PTPRT: variants seen among roughly 807,000 people sequenced by gnomAD.
The protein encoded by PTPRT is receptor-type tyrosine-protein phosphatase T.
Under a neutral mutation model 176.8 loss-of-function variants are expected in PTPRT, and 56 were observed. That is an observed-to-expected ratio of 0.32 (90% CI 0.26 to 0.40). PTPRT has a LOEUF of 0.40. Ranked by LOEUF, PTPRT falls within the 10% of genes least tolerant of loss-of-function variation. The pLI, the probability that PTPRT is intolerant of heterozygous loss-of-function variation, is 1.00. For synonymous variants in PTPRT, 783 were observed against 739.0 expected (o/e 1.06, Z -0.96); for missense variants, 1,540 against 1,908.2 (o/e 0.81, Z 3.60).
At chr20:42,996,787 C>A (rs1984245409) in intron 1 of PTPRT, among the ~76,000 whole-genome samples, 1 of 152,116 alleles carries the variant, frequency 6.6e-6, no homozygotes, top group African/African-American at 2.4e-5. Context: ...TGACACATAT[C>A]AATATGACCT....
intron 15 of PTPRT, among the ~76,000 whole-genome samples, chr20:42,218,651 A>C (rs776644025): frequency 3.9e-5 from 6 of 152,206 alleles, no homozygotes; most frequent in Non-Finnish European, 8.8e-5. Context: ...AGAAGAAAAC[A>C]ACTCTGAAGG....
chr20:42,121,530 C>G (rs1047111135), intron 19 of PTPRT, among the ~76,000 whole-genome samples: 20 of 152,038 alleles, frequency 1.3e-4, no homozygotes, highest in Admixed American at 4.6e-4. Context: ...CCATGGACTC[C>G]GGAACTCAGC....
chr20:42,959,759 C>A (rs1055179566), intron 1 of PTPRT, among the ~76,000 whole-genome samples: 5 of 152,198 alleles, frequency 3.3e-5, no homozygotes, highest in Non-Finnish European at 5.9e-5. Flanking sequence ...AGAACCCATG[C>A]ACAAGCCATT....
At position 42,488,872 on chromosome 20, in the gene PTPRT, G is replaced by A. The variant is rs138938985; in HGVS notation, c.1154-16310C>T. ...CCAGCTACTCTGGAGGCTGAGGTAG[G>A]AGAATTGCTTGAACCTAGGAGGTGG... On this transcript the variant is annotated intron_variant, in intron 7 of 30. Coordinates refer to ENST00000373187, the MANE Select transcript of PTPRT (RefSeq NM_007050.6). 4.7e-3 allele frequency among the ~76,000 whole-genome samples: 717 copies of A among 151,876 alleles called. 5 individuals carry two copies. Among genetic ancestry groups the A allele is most frequent in the African/African-American group, 0.017 (687 of 41,424 alleles).
Position 42,469,951 on chromosome 20 carries a change from A to G in PTPRT, c.1450+2315T>C, listed in dbSNP as rs62204875. On this transcript the variant is annotated intron_variant, in intron 8 of 30. Coordinates refer to ENST00000373187, the MANE Select transcript of PTPRT (RefSeq NM_007050.6). The stretch of plus-strand genomic sequence containing the variant: ...GTTCTACTCAGGGTCATAACTCTGA[A>G]GTATTTAGAACTCGCTTAGATGAAA... 8.5e-3 allele frequency among the ~76,000 whole-genome samples: 1,291 copies of G among 152,286 alleles called. 11 individuals carry two copies. Among genetic ancestry groups the G allele is most frequent in the Middle Eastern group, 0.014 (4 of 294 alleles).
chr20:42,380,394 T>C (rs6030182), intron 9 of PTPRT, among the ~76,000 whole-genome samples: 46 of 152,280 alleles, frequency 3.0e-4, no homozygotes, highest in African/African-American at 1.0e-3. Context: ...CTGCCTCAGA[T>C]GTGGAACAAC....
chr20:42,727,658 C>A (rs2076400997), intron 6 of PTPRT, among the ~76,000 whole-genome samples: 1 of 152,178 alleles, frequency 6.6e-6, no homozygotes, highest in Admixed American at 6.5e-5. Context: ...ATGTTCAATT[C>A]AGTAGAAAGT....
intron 11 of PTPRT, among the ~76,000 whole-genome samples, chr20:42,333,709 C>T (rs746868232): frequency 9.2e-5 from 14 of 152,106 alleles, no homozygotes; most frequent in South Asian, 2.1e-4. Flanking sequence ...GATGGAGTCT[C>T]GCTTTGTCAC....
rs1019811298 is a variant in PTPRT at position 42,078,477 on chromosome 20, G to C, written c.*2402C>G. 18 of 206,936 alleles carry C rather than the reference G, an allele frequency of 8.7e-5. No individual in the cohort carries two copies. Among genetic ancestry groups the C allele is most frequent in the Non-Finnish European group, 3.0e-5 (3 of 101,196 alleles). The allele number at this position is 206,936 out of a possible 1,614,324, so 12.8% of individuals were successfully genotyped here. A position where few individuals can be genotyped will look rare whatever the true frequency, so the allele number is the denominator to read the frequency against. The stretch of plus-strand genomic sequence containing the variant: ...AAAACAATGAGCAGACAGACAAATA[G>C]ATGTGATATTAAAAAGTGCACGCTT... On this transcript the variant is annotated 3_prime_UTR_variant, in exon 31 of 31. Coordinates refer to ENST00000373187, the MANE Select transcript of PTPRT (RefSeq NM_007050.6).
At chr20:43,065,568 A>G (rs1176976140) in intron 1 of PTPRT, among the ~76,000 whole-genome samples, 1 of 152,200 alleles carries the variant, frequency 6.6e-6, no homozygotes, top group East Asian at 1.9e-4. Context: ...TAAGGACATG[A>G]CCCAGAGATC....
chr20:42,138,184 G>C (rs1266094321), intron 18 of PTPRT, among the ~76,000 whole-genome samples: 1 of 152,238 alleles, frequency 6.6e-6, no homozygotes, highest in Non-Finnish European at 1.5e-5. Flanking sequence ...CACTGCTGTA[G>C]GCATTATACT....
At chr20:42,707,729 G>A (rs984890500) in intron 6 of PTPRT, among the ~76,000 whole-genome samples, 1 of 152,182 alleles carries the variant, frequency 6.6e-6, no homozygotes, top group Non-Finnish European at 1.5e-5. Context: ...TGAGGCAAGA[G>A]GATCAGCTGA....
chr20:42,921,283 A>G (rs530031922), intron 1 of PTPRT, among the ~76,000 whole-genome samples: 23 of 152,336 alleles, frequency 1.5e-4, no homozygotes, highest in African/African-American at 4.8e-4. Flanking sequence ...AAGAAGGTAC[A>G]CTAAAGCAAG....
chr20:42,715,518 A>T (rs780832270), intron 6 of PTPRT, among the ~76,000 whole-genome samples: 8 of 152,202 alleles, frequency 5.3e-5, no homozygotes, highest in Non-Finnish European at 1.0e-4. Context: ...TAAAATAAAA[A>T]GCTTACTCTG....
At chr20:43,083,339 TA>T (rs2011501854) in intron 1 of PTPRT, among the ~76,000 whole-genome samples, 1 of 109,244 alleles carries the variant, frequency 9.2e-6, no homozygotes, top group Admixed American at 9.8e-5. Context: ...TATATATATA[TA>T]TATATATATA....
At chr20:42,263,403 C>T (rs531348933) in intron 13 of PTPRT, among the ~76,000 whole-genome samples, 4 of 86,784 alleles carry the variant, frequency 4.6e-5, no homozygotes, top group South Asian at 4.1e-4. Flanking sequence ...TTTTTTGAGA[C>T]GGAGTCTTGC....
chr20:42,314,900 G>C (rs1367277861), intron 12 of PTPRT, among the ~76,000 whole-genome samples: 1 of 149,792 alleles, frequency 6.7e-6, no homozygotes, highest in African/African-American at 2.5e-5. Context: ...TGAGTTCTCT[G>C]TCATTGGAGG....
intron 1 of PTPRT, among the ~76,000 whole-genome samples, chr20:43,005,457 G>C (rs962930746): frequency 6.6e-6 from 1 of 152,044 alleles, no homozygotes; most frequent in Non-Finnish European, 1.5e-5. Context: ...TGTCCTTCAA[G>C]TTTCAGCCTA....
At chr20:42,693,007 T>C (rs2075815753) in intron 6 of PTPRT, among the ~76,000 whole-genome samples, 1 of 152,216 alleles carries the variant, frequency 6.6e-6, no homozygotes, top group African/African-American at 2.4e-5. Flanking sequence ...TGAAAGACAT[T>C]GAGCTATCCA....
Sources: allele counts gnomAD v4.1 joint callset (sites outside exome capture counted in the v4.1 genomes callset), GRCh38; gene constraint gnomAD v4.1.1; transcripts MANE v1.5; gene names NCBI Gene and HGNC (gene_info 2026-07-23, HGNC 2026-07-21).